Variants in PRELID2 observed in about 807,000 individuals in gnomAD.
PRELID2 encodes the protein PRELI domain containing 2, also known as PRELI domain-containing protein 2.
PRELID2 carries 25 observed loss-of-function variants against 28.4 expected under a neutral mutation model. The ratio of observed to expected loss-of-function variants is 0.88; its 90% CI spans 0.64 to 1.23. The LOEUF is 1.23. Among genes scored for constraint, PRELID2 ranks in the 50% most tolerant of loss-of-function variants. PRELID2 has a pLI of 0.00. For synonymous variants in PRELID2, 76 were observed against 71.6 expected, an observed-to-expected ratio of 1.06 and a Z score of -0.31; for missense variants, 201 against 214.4, an observed-to-expected ratio of 0.94 and a Z score of 0.39.
At chr5:145,579,373 C>T (rs1261781208) in intron 1 of PRELID2, among the ~76,000 whole-genome samples, 1 of 152,030 alleles carries the variant, frequency 6.6e-6, no homozygotes, top group Non-Finnish European at 1.5e-5. Context: ...TTCGCAGATG[C>T]TATATGGTTC....
chr5:145,692,341 C>T (rs1755167593), intron 1 of PRELID2, among the ~76,000 whole-genome samples: 1 of 151,564 alleles, frequency 6.6e-6, no homozygotes, highest in Non-Finnish European at 1.5e-5. Context: ...GCCAATTCTA[C>T]AAGCTTATGT....
intron 1 of PRELID2, among the ~76,000 whole-genome samples, chr5:145,607,077 T>G (rs1217676100): frequency 6.6e-6 from 1 of 152,084 alleles, no homozygotes; most frequent in Non-Finnish European, 1.5e-5. Context: ...TTCTGTGGGG[T>G]CAGTGATAAT....
intron 1 of PRELID2, among the ~76,000 whole-genome samples, chr5:145,592,377 G>A (rs922837552): frequency 6.6e-5 from 10 of 151,876 alleles, no homozygotes; most frequent in East Asian, 1.9e-4. Context: ...CCAAGATCAC[G>A]CCACTGCACT....
At chr5:145,755,963 C>T (rs893523405), downstream of PRELID2, among the ~76,000 whole-genome samples, 1 of 152,168 alleles carries the variant, frequency 6.6e-6, no homozygotes, top group Admixed American at 6.6e-5. Context: ...AAATACGAAA[C>T]AGAAACAAAG....
chr5:145,526,896 A>G (rs1302295315), intron 1 of PRELID2, among the ~76,000 whole-genome samples: 4 of 152,192 alleles, frequency 2.6e-5, no homozygotes, highest in Non-Finnish European at 5.9e-5. Flanking sequence ...TTTATATAGT[A>G]ATAGTTCATC....
At chr5:145,460,060 C>T in the PRELID2 span, among the ~76,000 whole-genome samples, 28 of 152,142 alleles carry the variant, frequency 1.8e-4, no homozygotes, top group African/African-American at 4.3e-4. Context: ...CCTCCTGCCT[C>T]GGCCTCCCAA....
At chr5:145,409,685 G>A in the PRELID2 span, among the ~76,000 whole-genome samples, 50 of 151,510 alleles carry the variant, frequency 3.3e-4, no homozygotes, top group East Asian at 5.8e-3. Context: ...AGGGCAAGGC[G>A]GGTGGAACAC....
the PRELID2 span, among the ~76,000 whole-genome samples, chr5:145,237,029 A>C: frequency 1.3e-5 from 2 of 152,124 alleles, no homozygotes; most frequent in African/African-American, 2.4e-5. Flanking sequence ...GGAACTTGAC[A>C]TACACATCAG....
At chr5:145,353,143 T>C in the PRELID2 span, among the ~76,000 whole-genome samples, 76 of 152,274 alleles carry the variant, frequency 5.0e-4, no homozygotes, top group Middle Eastern at 3.4e-3. Context: ...ACTGTATTAG[T>C]CCATTCTCAT....
At chr5:145,594,004 T>G (rs1753267504) in intron 1 of PRELID2, among the ~76,000 whole-genome samples, 1 of 152,164 alleles carries the variant, frequency 6.6e-6, no homozygotes, top group African/African-American at 2.4e-5. Flanking sequence ...TCTTTTGTCT[T>G]TTGGATATAA....
chr5:145,727,397 T>C (rs1047409015), intron 1 of PRELID2, among the ~76,000 whole-genome samples: 5 of 152,158 alleles, frequency 3.3e-5, no homozygotes, highest in African/African-American at 9.6e-5. Context: ...TGAGGGGTTT[T>C]AGACCCTGGA....
At chr5:145,336,026 A>G in the PRELID2 span, among the ~76,000 whole-genome samples, 1 of 152,224 alleles carries the variant, frequency 6.6e-6, no homozygotes, top group South Asian at 2.1e-4. Context: ...ATGGCCAGTG[A>G]TGGTGAGCAT....
chr5:145,631,846 A>G (rs1457824998), intron 1 of PRELID2, among the ~76,000 whole-genome samples: 1 of 152,218 alleles, frequency 6.6e-6, no homozygotes, highest in African/African-American at 2.4e-5. Flanking sequence ...TGTACATTAC[A>G]TACTAGAGAA....
At chr5:145,713,634 A>AC (rs1755763582) in intron 1 of PRELID2, among the ~76,000 whole-genome samples, 4 of 129,128 alleles carry the variant, frequency 3.1e-5, no homozygotes, top group South Asian at 2.5e-4. Flanking sequence ...TATAATATAT[A>AC]TTTATATATA....
the PRELID2 span, among the ~76,000 whole-genome samples, chr5:145,416,721 A>T: frequency 6.6e-6 from 1 of 152,126 alleles, no homozygotes; most frequent in African/African-American, 2.4e-5. Flanking sequence ...TAACAACCTA[A>T]CATCACAGCT....
intron 1 of PRELID2, among the ~76,000 whole-genome samples, chr5:145,690,527 A>C (rs1755126995): frequency 1.3e-5 from 2 of 152,186 alleles, no homozygotes; most frequent in African/African-American, 4.8e-5. Flanking sequence ...CTACATGACA[A>C]CCACAAGAGG....
intron 1 of PRELID2, among the ~76,000 whole-genome samples, chr5:145,691,495 G>T (rs1398943020): frequency 6.6e-6 from 1 of 152,102 alleles, no homozygotes; most frequent in Non-Finnish European, 1.5e-5. Context: ...CACGAGGTCA[G>T]GAGATCGAGA....
At chr5:145,636,793 G>A (rs932762639) in intron 1 of PRELID2, among the ~76,000 whole-genome samples, 7 of 152,158 alleles carry the variant, frequency 4.6e-5, no homozygotes, top group African/African-American at 1.2e-4. Flanking sequence ...CTTTGAAGAC[G>A]TGCACTCTTA....
intron 1 of PRELID2, among the ~76,000 whole-genome samples, chr5:145,653,505 C>T (rs1441704575): frequency 6.6e-6 from 1 of 152,196 alleles, no homozygotes; most frequent in Non-Finnish European, 1.5e-5. Context: ...GGAAGTAAAG[C>T]ACTCCTCAGC....
Sources: gnomAD v4.1 joint callset for allele counts (sites outside exome capture counted in the v4.1 genomes callset) on GRCh38, gnomAD v4.1.1 for gene constraint, MANE v1.5 for transcripts, NCBI Gene and HGNC (gene_info 2026-07-23, HGNC 2026-07-21) for gene names.